Variants in EPB41 observed in about 807,000 individuals in gnomAD.
The protein encoded by EPB41 is protein 4.1.
A neutral mutation model predicts 108.0 loss-of-function variants in EPB41; 65 were observed. The ratio of observed to expected loss-of-function variants is 0.60; its 90% CI spans 0.49 to 0.74. The LOEUF (loss-of-function observed/expected upper bound fraction) is 0.74. EPB41 is among the 30% of genes least tolerant of loss of function. The pLI is 0.00. For missense variants in EPB41, 875 were observed against 1,037.0 expected (o/e 0.84, Z 2.15); for synonymous variants, 336 against 358.9 (o/e 0.94, Z 0.72).
At position 29,018,421 on chromosome 1, in the gene EPB41, T is replaced by C. The variant is rs1558039733; in HGVS notation, c.1103T>C (p.Met368Thr). 1 of 1,614,198 alleles carries C rather than the reference T, an allele frequency of 6.2e-7. No individual in the cohort carries two copies. The highest frequency in any genetic ancestry group is 8.5e-7 in the Non-Finnish European group (1 of 1,180,018). ...NQTKELEEKVMELHKSYRSMT... is the reference protein window; with the variant it reads ...NQTKELEEKVTELHKSYRSMT... ...ACCAAGGAACTTGAAGAGAAGGTCA[T>C]GGAACTGCATAAGTCATACAGGTGA... Residue 368 changes from methionine (M) to threonine (T), a missense_variant, in exon 7 of 21, where the codon ATG becomes ACG. Transcript: ENST00000343067. The surrounding 1 kb of genome is among the most constrained non-coding windows in gnomAD (Gnocchi z 4.4).
intron 1 of EPB41, 29 bp downstream of exon 1, chr1:28,914,797 G>C (rs1460693811): frequency 6.5e-6 from 1 of 153,436 alleles, no homozygotes; most frequent in Non-Finnish European, 1.5e-5. Context: ...GGCGGCGCGG[G>C]AGCCGGGGCG....
At chr1:29,061,490 G>T (rs1001858831) in intron 15 of EPB41, among the ~76,000 whole-genome samples, 1 of 151,076 alleles carries the variant, frequency 6.6e-6, no homozygotes, top group Admixed American at 6.6e-5. Flanking sequence ...AGGATGGTCT[G>T]GATCTCCTGA....
At chr1:29,060,074 G>A (rs1355843553) in intron 14 of EPB41, among the ~76,000 whole-genome samples, 3 of 152,084 alleles carry the variant, frequency 2.0e-5, no homozygotes, top group Admixed American at 2.0e-4. Context: ...ATGATACATG[G>A]AGTTTCAGCG....
chr1:28,896,889 G>C (rs1332027953), intron 1 of EPB41, among the ~76,000 whole-genome samples: 1 of 152,208 alleles, frequency 6.6e-6, no homozygotes, highest in Non-Finnish European at 1.5e-5. Flanking sequence ...GCAGTGGCCA[G>C]AGAGGAGAGG....
At chr1:28,897,640 GAGGGGAGA>G (rs2090843306) in intron 1 of EPB41, among the ~76,000 whole-genome samples, 1 of 19,912 alleles carries the variant, frequency 5.0e-5, no homozygotes, top group Non-Finnish European at 8.7e-5. Flanking sequence ...GAGGGGAGAG[GAGGGGAGA>G]GGAGGGGAGG....
chr1:29,060,063 C>T (rs373810674), intron 14 of EPB41, among the ~76,000 whole-genome samples: 1 of 152,102 alleles, frequency 6.6e-6, no homozygotes, highest in South Asian at 2.1e-4. Flanking sequence ...TTCTTCACTC[C>T]ATGATACATG....
intron 9 of EPB41, among the ~76,000 whole-genome samples, chr1:29,034,403 T>C (rs1638579983): frequency 6.6e-6 from 1 of 152,214 alleles, no homozygotes; most frequent in Non-Finnish European, 1.5e-5. Context: ...GAAAAAGTAT[T>C]GTGGCAGCAG....
intron 15 of EPB41, among the ~76,000 whole-genome samples, chr1:29,064,350 C>T (rs996044248): frequency 1.2e-4 from 19 of 152,162 alleles, no homozygotes; most frequent in Non-Finnish European, 2.8e-4. Context: ...TAGTAACAGT[C>T]TGCTCTGGAG....
intron 1 of EPB41, among the ~76,000 whole-genome samples, chr1:28,899,102 A>C (rs964591743): frequency 6.6e-6 from 1 of 152,198 alleles, no homozygotes; most frequent in African/African-American, 2.4e-5. Context: ...CACACAGTAG[A>C]AGCCCAGGTC....
At chr1:29,001,756 C>T (rs1237037515) in intron 4 of EPB41, among the ~76,000 whole-genome samples, 1 of 152,160 alleles carries the variant, frequency 6.6e-6, no homozygotes, top group Non-Finnish European at 1.5e-5. Flanking sequence ...TTTTGTTCGT[C>T]TCCCTCCTCC....
At chr1:28,948,402 G>C (rs2094565679) in intron 1 of EPB41, among the ~76,000 whole-genome samples, 1 of 151,738 alleles carries the variant, frequency 6.6e-6, no homozygotes, top group African/African-American at 2.4e-5. Flanking sequence ...CCAGCTACTC[G>C]GGAGGCTGAG....
intron 2 of EPB41, among the ~76,000 whole-genome samples, chr1:28,990,057 C>A (rs903796078): frequency 6.6e-6 from 1 of 151,848 alleles, no homozygotes; most frequent in African/African-American, 2.4e-5. Flanking sequence ...GAGTTTGAGA[C>A]CATCCTGGCC....
At chr1:28,955,786 G>A (rs1038927124) in intron 1 of EPB41, among the ~76,000 whole-genome samples, 1 of 152,210 alleles carries the variant, frequency 6.6e-6, no homozygotes, top group Non-Finnish European at 1.5e-5. Context: ...GGACAGTGAA[G>A]GGAATGGAGA....
intron 1 of EPB41, among the ~76,000 whole-genome samples, chr1:28,899,242 T>C (rs2091032167): frequency 6.6e-6 from 1 of 152,192 alleles, no homozygotes; most frequent in Admixed American, 6.5e-5. Context: ...TCGGCAATAA[T>C]GTACAGAAAG....
Position 28,972,862 on chromosome 1 carries a change from C to T in EPB41, c.-7-14569C>T, listed in dbSNP as rs547143678. Among the ~76,000 whole-genome samples, 266 of 152,142 alleles carry T rather than the reference C, an allele frequency of 1.7e-3. 5 individuals carry two copies. The highest frequency in any genetic ancestry group is 3.4e-3 in the Middle Eastern group (1 of 294). On this transcript the variant is annotated intron_variant, in intron 1 of 20. Coordinates refer to ENST00000343067, the MANE Select transcript of EPB41 (RefSeq NM_001376013.1). ...CAAGCAATCCTCCCACCTTGGACTC[C>T]CAAAGGGCTGAGATTACAGGTGTGA... is the stretch of plus-strand genomic sequence containing the variant.
intron 19 of EPB41, among the ~76,000 whole-genome samples, chr1:29,113,112 C>G (rs1321678402): frequency 6.6e-6 from 1 of 152,036 alleles, no homozygotes; most frequent in Non-Finnish European, 1.5e-5. Context: ...ATTTCTGGGC[C>G]TGAGTGCTAA....
intron 8 of EPB41, among the ~76,000 whole-genome samples, chr1:29,031,592 C>T (rs948316276): frequency 1.1e-4 from 17 of 152,250 alleles, no homozygotes; most frequent in Middle Eastern, 6.8e-3. Context: ...CTGAGTTAGA[C>T]TCTCTGGAGG....
intron 17 of EPB41, among the ~76,000 whole-genome samples, chr1:29,103,349 T>C (rs933594191): frequency 1.3e-5 from 2 of 152,212 alleles, no homozygotes; most frequent in Non-Finnish European, 2.9e-5. Flanking sequence ...TCCTGACATA[T>C]TAGAGAAATA....
At chr1:28,946,463 A>T (rs550178578) in intron 1 of EPB41, among the ~76,000 whole-genome samples, 1 of 152,334 alleles carries the variant, frequency 6.6e-6, no homozygotes, top group East Asian at 1.9e-4. Flanking sequence ...GTTGGATTGG[A>T]ACTGTGCAAA....
Sources: gnomAD v4.1 joint callset for allele counts (sites outside exome capture counted in the v4.1 genomes callset) on GRCh38, gnomAD v4.1.1 for gene constraint, Gnocchi (gnomAD v3.1) non-coding constraint, MANE v1.5 for transcripts, NCBI Gene and HGNC (gene_info 2026-07-23, HGNC 2026-07-21) for gene names.